NXPE2: variants seen among roughly 807,000 people sequenced by gnomAD.
NXPE2 encodes NXPE family member 2.
A neutral mutation model predicts 34.4 loss-of-function variants in NXPE2; 34 were observed. The observed-to-expected ratio is 0.99, with a 90% CI of 0.75 to 1.31. The LOEUF is 1.31. Among genes scored for constraint, NXPE2 ranks in the 40% most tolerant of loss-of-function variants. NXPE2 has a pLI of 0.00. For missense variants in NXPE2, 649 were observed against 672.5 expected (o/e 0.97, Z 0.39); for synonymous variants, 235 against 231.3 (o/e 1.02, Z -0.15).
At chr11:114,604,947 G>A in the NXPE2 span, among the ~76,000 whole-genome samples, 16 of 152,070 alleles carry the variant, frequency 1.1e-4, no homozygotes, top group African/African-American at 3.9e-4. Context: ...GTTACCTGGT[G>A]GATAATAATT....
At chr11:114,571,940 C>T in the NXPE2 span, among the ~76,000 whole-genome samples, 7 of 152,188 alleles carry the variant, frequency 4.6e-5, no homozygotes, top group Admixed American at 1.3e-4. Context: ...TGGAGGCCAA[C>T]GAACACAAAA....
the NXPE2 span, among the ~76,000 whole-genome samples, chr11:114,780,872 A>G: frequency 6.6e-6 from 1 of 152,114 alleles, no homozygotes; most frequent in South Asian, 2.1e-4. Context: ...TACTTTAGGA[A>G]GGTATTGTTT....
At chr11:114,667,158 C>A in the NXPE2 span, among the ~76,000 whole-genome samples, 5 of 152,058 alleles carry the variant, frequency 3.3e-5, no homozygotes, top group African/African-American at 7.2e-5. Context: ...ACGTGAAGAT[C>A]CAGGTCCTGA....
chr11:114,536,005 A>G, the NXPE2 span, among the ~76,000 whole-genome samples: 1 of 152,214 alleles, frequency 6.6e-6, no homozygotes, highest in Non-Finnish European at 1.5e-5. Context: ...CACCAAACCT[A>G]TTCCAAAATT....
chr11:114,475,867 CA>C, the NXPE2 span, among the ~76,000 whole-genome samples: 1 of 152,154 alleles, frequency 6.6e-6, no homozygotes, highest in Admixed American at 6.5e-5. Context: ...GGAGGTAACA[CA>C]ACTACACACT....
intron 2 of NXPE2, among the ~76,000 whole-genome samples, chr11:114,685,526 T>G (rs1029054861): frequency 2.0e-5 from 3 of 152,204 alleles, no homozygotes; most frequent in Non-Finnish European, 4.4e-5. Flanking sequence ...AAAGTTAAGT[T>G]GTAACATACA....
chr11:114,529,984 G>A, the NXPE2 span: 1 of 562,654 alleles, frequency 1.8e-6, no homozygotes, highest in East Asian at 2.8e-5. Context: ...ACACATGACT[G>A]AATGGGACAA....
intron 2 of NXPE2, among the ~76,000 whole-genome samples, chr11:114,680,153 C>T (rs1398536917): frequency 6.6e-6 from 1 of 152,078 alleles, no homozygotes; most frequent in Non-Finnish European, 1.5e-5. Flanking sequence ...TTTAGTGTCT[C>T]CTGGCTCTTC....
At chr11:114,710,970 T>C (rs1177456365), downstream of NXPE2, among the ~76,000 whole-genome samples, 1 of 152,044 alleles carries the variant, frequency 6.6e-6, no homozygotes, top group Non-Finnish European at 1.5e-5. Flanking sequence ...TGTGCCACAT[T>C]AACAAAATAA....
chr11:114,527,891 C>G, the NXPE2 span: 3 of 1,573,996 alleles, frequency 1.9e-6, no homozygotes, highest in African/African-American at 5.2e-5. Context: ...ATTTCAACTC[C>G]CACTTTGGAC....
chr11:114,676,740 C>T (rs1431794328), upstream of NXPE2, among the ~76,000 whole-genome samples: 2 of 152,036 alleles, frequency 1.3e-5, no homozygotes, highest in African/African-American at 4.8e-5. Flanking sequence ...TATGATCCAG[C>T]AATCCCGCTA....
At chr11:114,553,589 A>G in the NXPE2 span, 6 of 381,394 alleles carry the variant, frequency 1.6e-5, no homozygotes, top group Non-Finnish European at 2.2e-5. Flanking sequence ...GGAACCCTTA[A>G]TCAAGATCAC....
chr11:114,600,850 T>G, the NXPE2 span, among the ~76,000 whole-genome samples: 1 of 152,068 alleles, frequency 6.6e-6, no homozygotes, highest in East Asian at 1.9e-4. Context: ...TATACTATTT[T>G]GAAACTTTTC....
At chr11:114,755,807 C>T in the NXPE2 span, among the ~76,000 whole-genome samples, 2 of 152,054 alleles carry the variant, frequency 1.3e-5, no homozygotes, top group East Asian at 3.9e-4. Context: ...AATTAAACCA[C>T]TCTGGCTGAC....
the NXPE2 span, among the ~76,000 whole-genome samples, chr11:114,510,713 G>A: frequency 6.6e-6 from 1 of 152,178 alleles, no homozygotes; most frequent in African/African-American, 2.4e-5. Flanking sequence ...CATGAAGAGA[G>A]ACTTGGCACA....
At chr11:114,586,096 T>C in the NXPE2 span, among the ~76,000 whole-genome samples, 1 of 152,172 alleles carries the variant, frequency 6.6e-6, no homozygotes, top group African/African-American at 2.4e-5. Flanking sequence ...GGGTGACCAA[T>C]CTTTTTTGCC....
chr11:114,622,627 GATA>G, the NXPE2 span, among the ~76,000 whole-genome samples: 189 of 151,538 alleles, frequency 1.2e-3, no homozygotes, highest in African/African-American at 4.3e-3. Context: ...TTACCCAGTG[GATA>G]ATAAGTGTTG....
chr11:114,601,343 A>G, the NXPE2 span, among the ~76,000 whole-genome samples: 1 of 147,444 alleles, frequency 6.8e-6, no homozygotes, highest in African/African-American at 2.5e-5. Flanking sequence ...AATATGTGGT[A>G]TTTGGTTTTC....
At chr11:114,724,844 CTTT>C in the NXPE2 span, among the ~76,000 whole-genome samples, 5 of 121,586 alleles carry the variant, frequency 4.1e-5, no homozygotes, top group Non-Finnish European at 5.0e-5. Flanking sequence ...GCTTCCATGG[CTTT>C]TTTTTTTTTT....
Sources: gnomAD v4.1 joint callset for allele counts (sites outside exome capture counted in the v4.1 genomes callset) on GRCh38, gnomAD v4.1.1 for gene constraint, MANE v1.5 for transcripts, NCBI Gene and HGNC (gene_info 2026-07-23, HGNC 2026-07-21) for gene names.